The following FGF1 variants were observed in gnomAD, a reference collection of about 807,000 sequenced individuals.
FGF1 encodes the protein beta-endothelial cell growth factor.
In FGF1, 9 loss-of-function variants were observed where a neutral mutation model predicts 13.4. The observed-to-expected ratio is 0.67, with a 90% confidence interval of 0.40 to 1.17. The LOEUF is 1.17. Among genes scored for constraint, FGF1 ranks in the 50% most tolerant of loss-of-function variants. The pLI is 0.01. For synonymous variants in FGF1, 93 were observed against 79.0 expected, an observed-to-expected ratio of 1.18 and a Z score of -0.94; for missense variants, 156 against 192.7, an observed-to-expected ratio of 0.81 and a Z score of 1.13.
intron 3 of FGF1, among the ~76,000 whole-genome samples, chr5:142,598,457 T>C (rs912661407): frequency 6.6e-6 from 1 of 152,140 alleles, no homozygotes; most frequent in African/African-American, 2.4e-5. Flanking sequence ...ATTTGGCATG[T>C]TTCCCCTCCC....
intron 1 of FGF1, among the ~76,000 whole-genome samples, chr5:142,615,097 A>G (rs1457476333): frequency 2.6e-5 from 4 of 152,166 alleles, no homozygotes; most frequent in Admixed American, 2.6e-4. Context: ...AACAAAACCA[A>G]TGAGCATTAG....
In FGF1 at chr5:142,678,555, C is replaced by T. The variant is rs79660383; in HGVS notation, c.-35+7402G>A. ...GTACTCTGCACTCCTCCTTTCAGCG[C>T]CCTCTGCCCCTTTCCAGGCTTGTCT... is the stretch of plus-strand genomic sequence containing the variant. On this transcript the variant is annotated intron_variant, in intron 1 of 3. Coordinates refer to ENST00000337706, the MANE Select transcript of FGF1 (RefSeq NM_000800.5). Among the ~76,000 whole-genome samples the T allele has an allele frequency of 1.2e-3, 185 of 152,280 alleles. 1 individual carries two copies. Among genetic ancestry groups the T allele is most frequent in the African/African-American group, 4.3e-3 (177 of 41,554 alleles).
At chr5:142,612,521 G>A (rs937329761) in intron 2 of FGF1, among the ~76,000 whole-genome samples, 2 of 152,148 alleles carry the variant, frequency 1.3e-5, no homozygotes, top group African/African-American at 2.4e-5. Flanking sequence ...GGCAGATCAC[G>A]TGAGTTGTGT....
intron 1 of FGF1, among the ~76,000 whole-genome samples, chr5:142,665,973 G>C (rs1170992258): frequency 6.6e-6 from 1 of 151,958 alleles, no homozygotes; most frequent in Non-Finnish European, 1.5e-5. Context: ...TTTTTTCAAG[G>C]TGAGACCCCC....
rs184916358 is a variant in FGF1, at chr5:142,631,029, A to G, written c.-34-16868T>C. 9.2e-5 allele frequency among the ~76,000 whole-genome samples: 14 copies of G among 152,340 alleles called. No individual in the cohort carries two copies. The East Asian group carries it at 2.7e-3, about 29-fold the overall frequency. ...GCAGCCCTCAAACGATGGCCAGCAC[A>G]GAGGAATTGCTCAGATATTTATTGA... On this transcript the variant is annotated intron_variant, in intron 1 of 3. Coordinates refer to ENST00000337706, the MANE Select transcript of FGF1 (RefSeq NM_000800.5).
At chr5:142,647,894 G>A in intron 1 of FGF1, among the ~76,000 whole-genome samples, 1 of 152,098 alleles carries the variant, frequency 6.6e-6, no homozygotes, top group East Asian at 1.9e-4. Flanking sequence ...GACTAGCCTG[G>A]CCAACATGGT....
rs185761044 is a variant in FGF1 at position 142,605,441 on chromosome 5, A to C, written c.170-4636T>G. Among the ~76,000 whole-genome samples, 870 of 152,168 alleles carry C rather than the reference A, an allele frequency of 5.7e-3. 10 individuals are homozygous for C. The highest frequency in any genetic ancestry group is 0.017 in the Middle Eastern group (5 of 294). On this transcript the variant is annotated intron_variant, in intron 2 of 3. Transcript: ENST00000337706. ...CAGCCAATCAAAGAAGATTTTTAAA[A>C]AGCTTTTCATTTCCTATGCATTTCT...
rs186302364 is a variant in FGF1 at position 142,647,551 on chromosome 5, G to T, written c.-34-33390C>A. On this transcript the variant is annotated intron_variant, in intron 1 of 3. Coordinates refer to ENST00000337706, the MANE Select transcript of FGF1 (RefSeq NM_000800.5). ...CTAATTTAAAGGGCCTCACCAATGG[G>T]CCTAAGATGGTAGACCACTCCACTC... Among the ~76,000 whole-genome samples, 55 of 152,254 alleles carry T rather than the reference G, an allele frequency of 3.6e-4. 2 individuals are homozygous for T. The highest frequency in any genetic ancestry group is 3.3e-3 in the Admixed American group (51 of 15,288).
chr5:142,611,934 C>A (rs188546729), intron 2 of FGF1, among the ~76,000 whole-genome samples: 1 of 152,180 alleles, frequency 6.6e-6, no homozygotes, highest in Non-Finnish European at 1.5e-5. Context: ...TGAACCAACA[C>A]GTGCTGTGCT....
intron 1 of FGF1, among the ~76,000 whole-genome samples, chr5:142,674,445 C>T (rs1316818238): frequency 6.6e-6 from 1 of 152,206 alleles, no homozygotes; most frequent in African/African-American, 2.4e-5. Context: ...CTTTCCAAGG[C>T]AGCCCCATTT....
chr5:142,690,696 C>A (rs7707842), upstream of FGF1, among the ~76,000 whole-genome samples: 820 of 152,342 alleles, frequency 5.4e-3, 6 homozygotes, highest in African/African-American at 0.019. Flanking sequence ...TAACCCTCTA[C>A]AGTTCATTTC....
Position 142,609,558 on chromosome 5 carries a change from T to C in FGF1, c.169+4401A>G, listed in dbSNP as rs182282056. ...GCTGCACCTGTGTCTGGGCACATTA[T>C]GCCTCTGTGTCAGGCCTCAGGGGCT... On this transcript the variant is annotated intron_variant, in intron 2 of 3. Coordinates refer to ENST00000337706, the MANE Select transcript of FGF1 (RefSeq NM_000800.5). Among the ~76,000 whole-genome samples the C allele has an allele frequency of 1.5e-4, 23 of 152,284 alleles. No individual in the cohort carries two copies. The East Asian group carries it at 2.7e-3, about 18-fold the overall frequency.
chr5:142,689,587 A>G (rs547060589), upstream of FGF1, among the ~76,000 whole-genome samples: 1 of 152,080 alleles, frequency 6.6e-6, no homozygotes, highest in African/African-American at 2.4e-5. Flanking sequence ...TTCTTCAGCA[A>G]CTTCAGGGGA....
At chr5:142,640,422 A>ATGG (rs1182049285) in intron 1 of FGF1, among the ~76,000 whole-genome samples, 27 of 40,392 alleles carry the variant, frequency 6.7e-4, no homozygotes, top group South Asian at 3.9e-3. Flanking sequence ...GAGGTGGAGT[A>ATGG]TGGTGGGGGG....
chr5:142,592,393 A>G lies in FGF1; in HGVS notation c.*2897T>C, dbSNP rs1285818275. On this transcript the variant is annotated 3_prime_UTR_variant, in exon 4 of 4. Transcript: ENST00000337706. ...ACCTTCAGTACTAGCTGATGCTCCA[A>G]TCAGTTTTTTGTTCATACACACTGT... 7.5e-6 allele frequency: 3 copies of G among 398,394 alleles called. No homozygotes were observed. Among genetic ancestry groups the G allele is most frequent in the African/African-American group, 4.1e-5 (2 of 48,600 alleles). 24.7% of individuals were successfully genotyped at this position (398,394 alleles called of 1,614,324 possible).
intron 1 of FGF1, among the ~76,000 whole-genome samples, chr5:142,674,587 G>A (rs542043742): frequency 6.6e-6 from 1 of 152,266 alleles, no homozygotes; most frequent in South Asian, 2.1e-4. Flanking sequence ...GCCAGCCAAC[G>A]CAGGTCCAGC....
chr5:142,598,031 A>G (rs17217478), intron 3 of FGF1, among the ~76,000 whole-genome samples: 5,740 of 152,316 alleles, frequency 0.038, 133 homozygotes, highest in Middle Eastern at 0.068. Flanking sequence ...GAACAAGATG[A>G]GATATAAATA....
In FGF1 at chr5:142,613,968, C is replaced by T. The variant is rs200931712; in HGVS notation, c.160G>A (p.Asp54Asn). 9.3e-6 allele frequency: 15 copies of T among 1,613,730 alleles called. No individual in the cohort carries two copies. The highest frequency in any genetic ancestry group is 1.7e-4 in the Middle Eastern group (1 of 5,870). ...GTVDGTRDRS[D>N]QHIQLQLSAE... is the part of the protein sequence containing the mutation. ...ATAGAGATGGGCTTACTGTGCTGGT[C>T]GCTCCTGTCCCTTGTCCCATCCACT... The change falls in exon 2 of 4, where the codon GAC becomes AAC. Residue 54 changes from aspartate (D) to asparagine (N), a missense_variant. Asp to Asn is a conservative substitution (Grantham distance 23). Coordinates refer to ENST00000337706, the MANE Select transcript of FGF1 (RefSeq NM_000800.5).
upstream of FGF1, among the ~76,000 whole-genome samples, chr5:142,689,714 T>TC (rs1491151365): frequency 5.2e-4 from 72 of 139,680 alleles, no homozygotes; most frequent in African/African-American, 1.8e-3. Context: ...TTTTTTTTTT[T>TC]CTGAGACAAG....
Sources: allele counts gnomAD v4.1 joint callset (sites outside exome capture counted in the v4.1 genomes callset), GRCh38; gene constraint gnomAD v4.1.1; transcripts MANE v1.5; gene names NCBI Gene and HGNC (gene_info 2026-07-23, HGNC 2026-07-21).